The following SOX6 variants were observed in gnomAD, a reference collection of about 807,000 sequenced individuals.
SOX6 encodes the protein transcription factor SOX-6.
SOX6 carries 11 observed loss-of-function variants against 97.8 expected under a neutral mutation model. That is an observed-to-expected ratio of 0.11 (90% CI 0.07 to 0.19). SOX6 has a LOEUF of 0.19. SOX6 is among the 10% of genes least tolerant of loss of function. SOX6 has a pLI of 1.00. For missense variants in SOX6, 810 were observed against 1,039.5 expected (o/e 0.78, Z 3.04); for synonymous variants, 360 against 371.4 (o/e 0.97, Z 0.35).
chr11:16,529,142 A>G lies in SOX6; in HGVS notation n.610-52754T>C, dbSNP rs140082039. Among the ~76,000 whole-genome samples, 21 of 152,244 alleles carry G rather than the reference A, an allele frequency of 1.4e-4. 1 individual carries two copies. In the East Asian group the frequency reaches 4.0e-3, roughly 29 times the overall value. On this transcript the variant is annotated intron_variant and non_coding_transcript_variant, in intron 4 of 5. Coordinates refer to the SOX6 transcript ENST00000524520. ...TATTAACATACTATAATAGCAATGT[A>G]ACTTCTAAGTTGTTATTGTTGATAT...
intron 3 of SOX6, among the ~76,000 whole-genome samples, chr11:16,712,023 C>A (rs1848184794): frequency 6.6e-6 from 1 of 151,706 alleles, no homozygotes. Context: ...CAATCTCAGC[C>A]AGGTCACTGC....
intron 6 of SOX6, among the ~76,000 whole-genome samples, chr11:16,121,285 C>T (rs1849483753): frequency 6.6e-6 from 1 of 151,922 alleles, no homozygotes; most frequent in African/African-American, 2.4e-5. Flanking sequence ...TATTTGTCCC[C>T]TTATTCCATA....
chr11:16,613,416 G>C lies in SOX6; in HGVS notation n.430-1156C>G, dbSNP rs1848424867. ...GAGATTAGCAAATCTTCTACCGCTGGCGGCGGCAACCAGAGCCTCTGTCTT... is the reference window on the plus strand; with the variant it reads ...GAGATTAGCAAATCTTCTACCGCTGCCGGCGGCAACCAGAGCCTCTGTCTT... On this transcript the variant is annotated intron_variant and non_coding_transcript_variant, in intron 3 of 5. Coordinates refer to the SOX6 transcript ENST00000524520. This position sits in a 1 kb window ranked among gnomAD's most constrained non-coding sequence, Gnocchi z 4.6. Among the ~76,000 whole-genome samples, 1 of 152,032 alleles carries C rather than the reference G, an allele frequency of 6.6e-6. No homozygotes were observed. The highest frequency in any genetic ancestry group is 2.1e-4 in the South Asian group (1 of 4,820).
intron 3 of SOX6, among the ~76,000 whole-genome samples, chr11:16,286,753 A>C (rs1006184711): frequency 3.3e-5 from 5 of 152,170 alleles, no homozygotes; most frequent in Non-Finnish European, 5.9e-5. Context: ...TAAGGAATAT[A>C]AATTTAAACT....
intron 6 of SOX6, among the ~76,000 whole-genome samples, chr11:16,156,711 A>G (rs1441455802): frequency 3.3e-5 from 5 of 152,070 alleles, no homozygotes; most frequent in Admixed American, 2.0e-4. Flanking sequence ...CATGCCAAGC[A>G]CACTCCCACT....
At chr11:16,305,941 G>T (rs755732578) in intron 3 of SOX6, among the ~76,000 whole-genome samples, 1 of 152,058 alleles carries the variant, frequency 6.6e-6, no homozygotes, top group Non-Finnish European at 1.5e-5. Flanking sequence ...AGAAGGTGAG[G>T]GATGCTGGCA....
At chr11:16,505,974 A>G (rs1860779274) in intron 4 of SOX6, among the ~76,000 whole-genome samples, 1 of 152,240 alleles carries the variant, frequency 6.6e-6, no homozygotes, top group Admixed American at 6.5e-5. Context: ...CTGCAGGTTC[A>G]GAGCATTCAT....
chr11:15,979,590 T>A lies in SOX6; in HGVS notation c.2184-6478A>T, dbSNP rs542876790. ...GGTTCCTTATTATGAAGACTATGGC[T>A]TAAAAGTCTTTTCTACTATTCTTCC... is the stretch of plus-strand genomic sequence containing the variant. On this transcript the variant is annotated intron_variant, in intron 15 of 15. Coordinates refer to ENST00000683767, the MANE Select transcript of SOX6 (RefSeq NM_001367873.1). Among the ~76,000 whole-genome samples the A allele has an allele frequency of 2.6e-4, 39 of 152,242 alleles. No homozygotes were observed. The South Asian group carries it at 7.7e-3, about 30-fold the overall frequency.
intron 3 of SOX6, among the ~76,000 whole-genome samples, chr11:16,279,154 GA>G: frequency 6.6e-6 from 1 of 152,118 alleles, no homozygotes; most frequent in African/African-American, 2.4e-5. Flanking sequence ...CAGTAACAAT[GA>G]AAAAGTCCCA....
chr11:16,455,273 C>A (rs1859790822), intron 1 of SOX6, among the ~76,000 whole-genome samples: 1 of 151,936 alleles, frequency 6.6e-6, no homozygotes, highest in Non-Finnish European at 1.5e-5. Flanking sequence ...TTTATCACCA[C>A]AAAAAATTTT....
intron 1 of SOX6, chr11:16,476,303 A>G (rs533972627): frequency 1.3e-5 from 2 of 152,648 alleles, no homozygotes; most frequent in East Asian, 3.9e-4. Context: ...GTAAAGATAA[A>G]CCAATACTTA....
At chr11:16,592,370 C>G (rs978196421) in intron 4 of SOX6, among the ~76,000 whole-genome samples, 2 of 150,020 alleles carry the variant, frequency 1.3e-5, no homozygotes, top group Non-Finnish European at 3.0e-5. Context: ...ACCTCAGGTA[C>G]TGAAAATGTT....
intron 3 of SOX6, chr11:16,317,112 T>C (rs1264096960): frequency 2.0e-5 from 3 of 151,748 alleles, no homozygotes; most frequent in Non-Finnish European, 2.9e-5. Flanking sequence ...CAAAAAGATA[T>C]ATATATCAAG....
intron 3 of SOX6, among the ~76,000 whole-genome samples, chr11:16,628,571 C>T (rs183292046): frequency 1.4e-5 from 2 of 147,588 alleles, no homozygotes; most frequent in South Asian, 2.1e-4. Context: ...TGCAGTGAGC[C>T]GAGATCACAC....
chr11:16,351,534 C>T (rs1167157925), intron 1 of SOX6, among the ~76,000 whole-genome samples: 4 of 152,078 alleles, frequency 2.6e-5, no homozygotes, highest in Admixed American at 1.3e-4. Flanking sequence ...AGTGGCTCTC[C>T]CCTGATGACA....
intron 3 of SOX6, among the ~76,000 whole-genome samples, chr11:16,273,955 G>T (rs974087345): frequency 6.6e-6 from 1 of 152,014 alleles, no homozygotes; most frequent in Non-Finnish European, 1.5e-5. Flanking sequence ...AATACAAAAA[G>T]AATGTAAATG....
intron 12 of SOX6, among the ~76,000 whole-genome samples, chr11:16,023,718 A>G (rs1371491288): frequency 6.6e-6 from 1 of 152,208 alleles, no homozygotes; most frequent in East Asian, 1.9e-4. Flanking sequence ...CTTTGAATTA[A>G]TTAAAAAGGC....
intron 3 of SOX6, among the ~76,000 whole-genome samples, chr11:16,624,720 A>G (rs1341266088): frequency 6.6e-6 from 1 of 152,230 alleles, no homozygotes; most frequent in African/African-American, 2.4e-5. Flanking sequence ...CAAAGTGGTC[A>G]TATCATTTTA....
chr11:16,212,349 T>G (rs1409305863), intron 4 of SOX6, among the ~76,000 whole-genome samples: 1 of 152,172 alleles, frequency 6.6e-6, no homozygotes, highest in Non-Finnish European at 1.5e-5. Flanking sequence ...TTTTATACTA[T>G]TACATACATA....
Sources: allele counts gnomAD v4.1 joint callset (sites outside exome capture counted in the v4.1 genomes callset), GRCh38; gene constraint gnomAD v4.1.1; non-coding constraint Gnocchi (gnomAD v3.1); transcripts MANE v1.5; gene names NCBI Gene and HGNC (gene_info 2026-07-23, HGNC 2026-07-21).